OGDH: variants seen among roughly 807,000 people sequenced by gnomAD.
The protein encoded by OGDH is 2-oxoglutarate dehydrogenase complex component E1.
A neutral mutation model predicts 116.6 loss-of-function variants in OGDH; 38 were observed. That is an observed-to-expected ratio of 0.33 (90% confidence interval 0.25 to 0.43). The LOEUF (loss-of-function observed/expected upper bound fraction) is 0.43. Ranked by LOEUF, OGDH falls within the 20% of genes least tolerant of loss-of-function variation. The pLI is 1.00. For synonymous variants in OGDH, 488 were observed against 533.3 expected (o/e 0.92, Z 1.17); for missense variants, 825 against 1,357.2 (o/e 0.61, Z 6.16).
At chr7:44,609,074 A>G (rs1289344528) in intron 1 of OGDH, among the ~76,000 whole-genome samples, 1 of 152,072 alleles carries the variant, frequency 6.6e-6, no homozygotes, top group Non-Finnish European at 1.5e-5. Context: ...CCTGGTAACC[A>G]CTAATCTGTT....
chr7:44,665,494 A>G (rs748363316), intron 4 of OGDH, among the ~76,000 whole-genome samples: 11 of 152,122 alleles, frequency 7.2e-5, no homozygotes, highest in Non-Finnish European at 1.3e-4. Flanking sequence ...CCACCCTGAG[A>G]CTCACTGATT....
intron 5 of OGDH, among the ~76,000 whole-genome samples, chr7:44,672,233 T>G (rs1787494078): frequency 6.6e-6 from 1 of 152,216 alleles, no homozygotes; most frequent in African/African-American, 2.4e-5. Flanking sequence ...AGGCAAAGTT[T>G]GCTTTGTTTC....
Position 44,705,051 on chromosome 7 carries a change from C to CTTTTTTTTTTTTTTTTTTTT in OGDH, c.2633-2155_2633-2154insTTTTTTTTTTTTTTTTTTTT, listed in dbSNP as rs777624714. Among the ~76,000 whole-genome samples the CTTTTTTTTTTTTTTTTTTTT allele has an allele frequency of 2.8e-4, 26 of 93,920 alleles. 3 individuals are homozygous for CTTTTTTTTTTTTTTTTTTTT. Among genetic ancestry groups the CTTTTTTTTTTTTTTTTTTTT allele is most frequent in the African/African-American group, 7.0e-4 (12 of 17,072 alleles). The allele number at this position is 93,920 out of a possible 152,430, so 61.6% of individuals were successfully genotyped here. A position where few individuals can be genotyped will look rare whatever the true frequency, so the allele number is the denominator to read the frequency against. ...TTGATGTACAAAAGTTTTTAATTTT[C>CTTTTTTTTTTTTTTTTTTTT]TTTTTTTTTTTTTTTTTTTGAGACG... On this transcript the variant is annotated intron_variant, in intron 20 of 22. Coordinates refer to ENST00000222673, the MANE Select transcript of OGDH (RefSeq NM_002541.4).
chr7:44,674,715 G>A, intron 7 of OGDH, 158 bp downstream of exon 7: 1 of 762,142 alleles, frequency 1.3e-6, no homozygotes, highest in East Asian at 2.7e-5. Flanking sequence ...CTTTGCAGGG[G>A]ATTCTCACAT....
At chr7:44,685,795 C>T (rs114059666) in intron 10 of OGDH, among the ~76,000 whole-genome samples, 9,866 of 149,838 alleles carry the variant, frequency 0.066, 368 homozygotes, top group Middle Eastern at 0.096. Flanking sequence ...TTTTTTTTTT[C>T]AATTTTCTTG....
At chr7:44,645,572 A>G in intron 3 of OGDH, 54 bp downstream of exon 3, 2 of 1,551,116 alleles carry the variant, frequency 1.3e-6, no homozygotes, top group Non-Finnish European at 1.8e-6. Flanking sequence ...TCCTTAGGTC[A>G]TGCCTCATGG....
In OGDH at chr7:44,674,515, G is replaced by A; in HGVS notation, c.893G>A (p.Ser298Asn). The part of the protein sequence containing the change: ...PALKTIIDKS[S>N]ENGVDYVIMG... The stretch of plus-strand genomic sequence containing the variant: ...CTCAAGACCATCATTGACAAGTCTA[G>A]TGAGAATGGCGTGGACTACGTGATC... Residue 298 changes from serine to asparagine, a missense_variant, in exon 7 of 23, where the codon AGT (serine) becomes AAT (asparagine). Physicochemically the swap from Ser to Asn is conservative, Grantham distance 46. This residue lies in a region of OGDH where 171 missense variants were observed against 276.8 expected (regional missense o/e 0.62). Transcript: ENST00000222673. The A allele has an allele frequency of 6.2e-7, 1 of 1,614,208 alleles. No individual in the cohort carries two copies. Among genetic ancestry groups the A allele is most frequent in the Non-Finnish European group, 8.5e-7 (1 of 1,180,038 alleles).
intron 20 of OGDH, among the ~76,000 whole-genome samples, chr7:44,703,885 C>CAA (rs56014201): frequency 2.3e-5 from 3 of 130,262 alleles, no homozygotes; most frequent in East Asian, 2.2e-4. Context: ...AACTCCGTCT[C>CAA]AAAAAAAAAA....
rs1184837010 is a variant in OGDH, at chr7:44,707,042, G to A, written c.2633-183G>A. Among the ~76,000 whole-genome samples, 2 of 152,208 alleles carry A rather than the reference G, an allele frequency of 1.3e-5. No homozygotes were observed. The highest frequency in any genetic ancestry group is 6.5e-5 in the Admixed American group (1 of 15,278). ...CTGCTGTGTATTTGTTACACGTAACGTGCTTTTCAAAGTGTGCCTGGTCTG... is the reference window on the plus strand; with the variant it reads ...CTGCTGTGTATTTGTTACACGTAACATGCTTTTCAAAGTGTGCCTGGTCTG... On this transcript the variant is annotated intron_variant, in intron 20 of 22. Coordinates refer to ENST00000222673, the MANE Select transcript of OGDH (RefSeq NM_002541.4). The surrounding 1 kb of genome is among the most constrained non-coding windows in gnomAD (Gnocchi z 5.2).
At chr7:44,616,873 G>GTA (rs200704696) in intron 1 of OGDH, among the ~76,000 whole-genome samples, 2 of 121,648 alleles carry the variant, frequency 1.6e-5, no homozygotes, top group African/African-American at 3.3e-5. Context: ...ATATATATAC[G>GTA]TATATATATA....
intron 1 of OGDH, among the ~76,000 whole-genome samples, chr7:44,607,162 C>T (rs931712970): frequency 3.9e-5 from 6 of 152,236 alleles, no homozygotes; most frequent in Admixed American, 6.5e-5. Flanking sequence ...GTCGGAGCAT[C>T]TGGCTTTGGG....
Position 44,624,441 on chromosome 7 carries a change from C to T in OGDH, c.98C>T (p.Thr33Ile). 1 of 1,613,640 alleles carries T rather than the reference C, an allele frequency of 6.2e-7. No homozygotes were observed. The highest frequency in any genetic ancestry group is 1.7e-5 in the Admixed American group (1 of 59,924). ...CAAAACAGACCAGCAGCAGCTAGGA[C>T]ATTTCAACAGATTCGGTGCTATTCT... ...FSQNRPAAAR[T>I]FQQIRCYSAP... is the part of the protein sequence containing the mutation. The change falls in exon 2 of 23, where the codon ACA becomes ATA. Residue 33 changes from threonine to isoleucine, a missense_variant. Physicochemically the swap from Thr to Ile is moderately conservative, Grantham distance 89. Coordinates refer to ENST00000222673, the MANE Select transcript of OGDH (RefSeq NM_002541.4).
At chr7:44,674,060 C>T in intron 6 of OGDH, 119 bp downstream of exon 6, 1 of 1,181,906 alleles carries the variant, frequency 8.5e-7, no homozygotes, top group Non-Finnish European at 1.2e-6. Context: ...TGGGGTGGTA[C>T]AGGCAAAGCT....
rs891127132 is a variant in OGDH at position 44,696,957 on chromosome 7, C to A, written c.1944C>A (p.Asn648Lys). ...AGACTCGTGGGGAAATGGTGAAGAA[C>A]CGGACTGTGGACTGGGCTCTAGCGG... is the stretch of plus-strand genomic sequence containing the variant. ...ILKTRGEMVK[N>K]RTVDWALAEY... Residue 648 changes from asparagine (N) to lysine (K), a missense_variant, in exon 15 of 23, where the codon AAC becomes AAA. Around this residue, in one of 7 missense-constraint regions of OGDH, gnomAD observed 92 missense variants for 129.7 expected, o/e 0.71. Transcript: ENST00000222673. The A allele has an allele frequency of 5.0e-6, 8 of 1,614,082 alleles. No homozygotes were observed. Among genetic ancestry groups the A allele is most frequent in the Non-Finnish European group, 6.8e-6 (8 of 1,179,956 alleles).
chr7:44,692,667 C>A (rs1262611989), intron 10 of OGDH, among the ~76,000 whole-genome samples: 1 of 152,168 alleles, frequency 6.6e-6, no homozygotes, highest in Non-Finnish European at 1.5e-5. Context: ...AATTTAAATG[C>A]AAACCATAAA....
rs560932172 is a variant in OGDH, at chr7:44,611,522, C to G, written c.-28+4869C>G. Among the ~76,000 whole-genome samples, 299 of 152,090 alleles carry G rather than the reference C, an allele frequency of 2.0e-3. 2 individuals are homozygous for G. The highest frequency in any genetic ancestry group is 6.7e-3 in the African/African-American group (276 of 41,498). On this transcript the variant is annotated intron_variant, in intron 1 of 22. Coordinates refer to ENST00000222673, the MANE Select transcript of OGDH (RefSeq NM_002541.4). ...GATCTCCTGACCTCGTGATCCCCCC[C>G]GCCTCGGCCTCCCAAAGTGCTGGGA...
intron 4 of OGDH, among the ~76,000 whole-genome samples, chr7:44,665,087 A>G (rs1230321665): frequency 6.6e-6 from 1 of 152,210 alleles, no homozygotes; most frequent in Non-Finnish European, 1.5e-5. Flanking sequence ...TAGTCAGGAA[A>G]AATTTCTCAA....
intron 2 of OGDH, among the ~76,000 whole-genome samples, chr7:44,629,099 A>G (rs1330546897): frequency 6.6e-6 from 1 of 152,226 alleles, no homozygotes; most frequent in Non-Finnish European, 1.5e-5. Context: ...TCAAATGATG[A>G]CATCTTTATT....
At chr7:44,624,650 G>C in intron 2 of OGDH, 85 bp downstream of exon 2, 1 of 1,209,114 alleles carries the variant, frequency 8.3e-7, no homozygotes, top group Non-Finnish European at 1.2e-6. Flanking sequence ...TGTGCGTCCT[G>C]AGGAGTCAGC....
Sources: gnomAD v4.1 joint callset for allele counts (sites outside exome capture counted in the v4.1 genomes callset) on GRCh38, gnomAD v4.1.1 for gene constraint, gnomAD v4.1.1 regional missense constraint, Gnocchi (gnomAD v3.1) non-coding constraint, MANE v1.5 for transcripts, NCBI Gene and HGNC (gene_info 2026-07-23, HGNC 2026-07-21) for gene names.